Variants in LRRC9 observed in about 807,000 individuals in gnomAD.
The protein encoded by LRRC9 is leucine rich repeat containing 9.
A neutral mutation model predicts 63.2 loss-of-function variants in LRRC9; 122 were observed. The ratio of observed to expected loss-of-function variants is 1.93; its 90% CI spans 1.67 to 2.24. The LOEUF (loss-of-function observed/expected upper bound fraction) is 2.24. Among genes scored for constraint, LRRC9 ranks in the 30% most tolerant of loss-of-function variants. The probability of loss-of-function intolerance (pLI) is 0.00; values close to 1 mark genes in which losing one functional copy is unlikely to be tolerated. For synonymous variants in LRRC9, 366 were observed against 213.1 expected (o/e 1.72, Z -6.25); for missense variants, 1,071 against 627.7 (o/e 1.71, Z -7.55).
chr14:60,041,627 T>C (rs1892951717), intron 29 of LRRC9, among the ~76,000 whole-genome samples: 1 of 152,234 alleles, frequency 6.6e-6, no homozygotes, highest in African/African-American at 2.4e-5. Flanking sequence ...ACTTTTATTC[T>C]AGTTAGCCAT....
intron 30 of LRRC9, 144 bp from the exon 31 acceptor site, chr14:60,057,734 A>G (rs1894390487): frequency 2.3e-6 from 1 of 431,080 alleles, no homozygotes; most frequent in African/African-American, 2.0e-5. Flanking sequence ...GGTTTTACCT[A>G]GTACCAATTC....
At chr14:59,995,742 T>C (rs1036834434) in intron 17 of LRRC9, among the ~76,000 whole-genome samples, 1 of 151,450 alleles carries the variant, frequency 6.6e-6, no homozygotes, top group Non-Finnish European at 1.5e-5. Context: ...TTTTGTTATA[T>C]TTTATTTTAT....
chr14:59,975,104 T>A (rs1886032147), intron 13 of LRRC9, among the ~76,000 whole-genome samples: 3 of 14,584 alleles, frequency 2.1e-4, no homozygotes, highest in African/African-American at 4.6e-4. Context: ...TATATATACA[T>A]ATATATATGT....
intron 29 of LRRC9, among the ~76,000 whole-genome samples, chr14:60,037,410 T>C (rs1001691850): frequency 3.3e-5 from 5 of 152,100 alleles, no homozygotes; most frequent in African/African-American, 4.8e-5. Flanking sequence ...TATTTCTCCA[T>C]ATCCTCTCCA....
intron 23 of LRRC9, among the ~76,000 whole-genome samples, chr14:60,013,751 T>C (rs952740999): frequency 6.6e-6 from 1 of 152,178 alleles, no homozygotes; most frequent in African/African-American, 2.4e-5. Context: ...GATTAATGTT[T>C]AGGATATCTT....
At chr14:59,959,308 G>A (rs1013035466) in intron 8 of LRRC9, among the ~76,000 whole-genome samples, 6 of 152,086 alleles carry the variant, frequency 3.9e-5, no homozygotes, top group Non-Finnish European at 5.9e-5. Flanking sequence ...TCATGTAAGA[G>A]ACTAAAACAA....
At chr14:59,983,533 T>A (rs558079477) in intron 16 of LRRC9, among the ~76,000 whole-genome samples, 1 of 152,278 alleles carries the variant, frequency 6.6e-6, no homozygotes, top group South Asian at 2.1e-4. Context: ...TTGAGTGGAT[T>A]TTGAAGGACA....
intron 9 of LRRC9, 52 bp downstream of exon 9, chr14:59,960,066 A>C: frequency 1.7e-6 from 1 of 585,646 alleles, no homozygotes; most frequent in Non-Finnish European, 3.0e-6. Flanking sequence ...AGAGAATCAG[A>C]ATGTTTTGGG....
intron 23 of LRRC9, among the ~76,000 whole-genome samples, chr14:60,009,103 T>C (rs926631807): frequency 6.6e-6 from 1 of 152,214 alleles, no homozygotes; most frequent in Non-Finnish European, 1.5e-5. Flanking sequence ...ATCTTATCTG[T>C]CCTATCTCTC....
chr14:59,954,997 T>G (rs565889371), intron 8 of LRRC9, among the ~76,000 whole-genome samples: 1 of 152,340 alleles, frequency 6.6e-6, no homozygotes, highest in East Asian at 1.9e-4. Context: ...ATGAGCTGAC[T>G]TGATCGTGGT....
At position 60,003,726 on chromosome 14, in the gene LRRC9, A is replaced by G. The variant is rs1181727184; in HGVS notation, c.2770A>G (p.Met924Val). 8.6e-6 allele frequency: 6 copies of G among 696,202 alleles called. No homozygotes were observed. Among genetic ancestry groups the G allele is most frequent in the Admixed American group, 2.1e-5 (1 of 48,720 alleles). 43.1% of individuals were successfully genotyped at this position (696,202 alleles called of 1,614,324 possible). A position where few individuals can be genotyped will look rare whatever the true frequency, so the allele number is the denominator to read the frequency against. The change falls in exon 21 of 32, where the codon ATG becomes GTG. Residue 924 changes from methionine to valine, a missense_variant. Met to Val is a conservative substitution (Grantham distance 21, BLOSUM62 1). Coordinates refer to ENST00000445360, the Ensembl canonical transcript of LRRC9. This position sits in a 1 kb window ranked among gnomAD's most constrained non-coding sequence, Gnocchi z 4.2. The stretch of plus-strand genomic sequence containing the variant: ...ATTCAGCAATAATAATCTCACTAAA[A>G]TGGAGGGTCTGGAATCCTGTATTAA...
chr14:60,056,952 A>T (rs462258), intron 30 of LRRC9, among the ~76,000 whole-genome samples: 250 of 152,052 alleles, frequency 1.6e-3, no homozygotes, highest in Non-Finnish European at 3.0e-3. Flanking sequence ...TAGTTTCAGA[A>T]GGAAATTTGA....
At chr14:59,951,676 G>C (rs1470888994) in intron 8 of LRRC9, among the ~76,000 whole-genome samples, 1 of 148,272 alleles carries the variant, frequency 6.7e-6, no homozygotes, top group South Asian at 2.1e-4. Flanking sequence ...ATGGGTTTTC[G>C]GTGTGGATGT....
intron 26 of LRRC9, among the ~76,000 whole-genome samples, chr14:60,022,235 T>C (rs909842700): frequency 6.6e-6 from 1 of 151,892 alleles, no homozygotes; most frequent in Non-Finnish European, 1.5e-5. Flanking sequence ...CTGAAGTATT[T>C]TATTCTTTTT....
At chr14:59,949,253 G>A (rs550211042) in intron 8 of LRRC9, among the ~76,000 whole-genome samples, 7 of 152,228 alleles carry the variant, frequency 4.6e-5, no homozygotes, top group South Asian at 2.1e-4. Flanking sequence ...TGTATGTGTC[G>A]AGGAATTTAT....
intron 1 of LRRC9, among the ~76,000 whole-genome samples, chr14:59,926,005 C>T (rs1889179347): frequency 6.6e-6 from 1 of 152,174 alleles, no homozygotes; most frequent in South Asian, 2.1e-4. Flanking sequence ...CTCATTCTGT[C>T]TCTTGCTGCC....
intron 10 of LRRC9, among the ~76,000 whole-genome samples, chr14:59,963,921 G>A (rs1328011884): frequency 1.3e-5 from 2 of 152,152 alleles, no homozygotes; most frequent in African/African-American, 4.8e-5. Flanking sequence ...TTAAAAACGT[G>A]TGTAGCCTAC....
chr14:59,967,316 A>T, intron 12 of LRRC9, 103 bp downstream of exon 12: 3 of 470,696 alleles, frequency 6.4e-6, no homozygotes, highest in Non-Finnish European at 1.2e-5. Flanking sequence ...ATTTATAGTA[A>T]ATTTCTACTG....
Position 59,990,821 on chromosome 14 carries a change from G to A in LRRC9, c.2211+5597G>A, listed in dbSNP as rs566502454. 6.6e-6 allele frequency among the ~76,000 whole-genome samples: 1 copy of A among 152,172 alleles called. No individual in the cohort carries two copies. Among genetic ancestry groups the A allele is most frequent in the Non-Finnish European group, 1.5e-5 (1 of 68,028 alleles). On this transcript the variant is annotated intron_variant, in intron 17 of 31. Transcript: ENST00000445360. The surrounding 1 kb of genome is among the most constrained non-coding windows in gnomAD (Gnocchi z 4.2). ...TCTCCACACATTCCGGTGAATATTT[G>A]TTGACTGTTCTGGGGCTCTCCTGTT...
Sources: gnomAD v4.1 joint callset for allele counts (sites outside exome capture counted in the v4.1 genomes callset) on GRCh38, gnomAD v4.1.1 for gene constraint, Gnocchi (gnomAD v3.1) non-coding constraint, MANE v1.5 for transcripts, NCBI Gene and HGNC (gene_info 2026-07-23, HGNC 2026-07-21) for gene names.